Variants in DNAJC1 observed in about 807,000 individuals in gnomAD.
DNAJC1 encodes dnaJ homolog subfamily C member 1.
Under a neutral mutation model 76.6 loss-of-function variants are expected in DNAJC1, and 58 were observed. That is an observed-to-expected ratio of 0.76 (90% CI 0.61 to 0.94). The LOEUF (loss-of-function observed/expected upper bound fraction) is 0.94, where lower values mean the gene tolerates loss of function less well. DNAJC1 is among the 40% of genes least tolerant of loss of function. The pLI is 0.00. For missense variants in DNAJC1, 689 were observed against 677.3 expected, an observed-to-expected ratio of 1.02 and a Z score of -0.19; for synonymous variants, 258 against 267.9, an observed-to-expected ratio of 0.96 and a Z score of 0.36.
At chr10:21,848,490 G>A (rs1835696119) in intron 8 of DNAJC1, among the ~76,000 whole-genome samples, 1 of 151,882 alleles carries the variant, frequency 6.6e-6, no homozygotes, top group Admixed American at 6.6e-5. Flanking sequence ...GTGCTTTTGA[G>A]GTCTTACCCC....
chr10:21,974,792 ATAGG>A (rs1424084157), intron 1 of DNAJC1, among the ~76,000 whole-genome samples: 2 of 152,174 alleles, frequency 1.3e-5, no homozygotes, highest in Non-Finnish European at 1.5e-5. Context: ...ATATTCATTA[ATAGG>A]TAGATAACTG....
At chr10:21,838,068 C>T (rs1291942218) in intron 8 of DNAJC1, among the ~76,000 whole-genome samples, 1 of 151,812 alleles carries the variant, frequency 6.6e-6, no homozygotes, top group Non-Finnish European at 1.5e-5. Flanking sequence ...TGCCTGGCCG[C>T]CCCTTCTGGG....
At chr10:21,933,082 AG>A in intron 1 of DNAJC1, 1 of 152,372 alleles carries the variant, frequency 6.6e-6, no homozygotes, top group South Asian at 2.1e-4. Context: ...AAAATTAAAA[AG>A]TTCATCAAGT....
intron 8 of DNAJC1, among the ~76,000 whole-genome samples, chr10:21,819,923 C>CTT (rs1342306956): frequency 6.6e-6 from 1 of 152,228 alleles, no homozygotes; most frequent in Admixed American, 6.5e-5. Context: ...GAGCAAGACT[C>CTT]TGTCTCAAAT....
intron 1 of DNAJC1, among the ~76,000 whole-genome samples, chr10:21,998,694 C>T (rs986268997): frequency 3.3e-5 from 5 of 152,164 alleles, no homozygotes; most frequent in African/African-American, 1.2e-4. Flanking sequence ...ACTTCTGCAA[C>T]CCCTTTCTAG....
At chr10:21,998,365 G>A (rs1020807723) in intron 1 of DNAJC1, among the ~76,000 whole-genome samples, 1 of 147,006 alleles carries the variant, frequency 6.8e-6, no homozygotes, top group Admixed American at 6.8e-5. Flanking sequence ...ACTCCAGCCT[G>A]GGCGACAGAG....
intron 8 of DNAJC1, among the ~76,000 whole-genome samples, chr10:21,846,811 G>C (rs1186161517): frequency 6.6e-6 from 1 of 151,334 alleles, no homozygotes; most frequent in Non-Finnish European, 1.5e-5. Context: ...AATGAAACTG[G>C]TGTTGTCTCG....
At chr10:21,985,845 T>A (rs1838237391) in intron 1 of DNAJC1, among the ~76,000 whole-genome samples, 1 of 152,198 alleles carries the variant, frequency 6.6e-6, no homozygotes, top group African/African-American at 2.4e-5. Context: ...CATGTACAAG[T>A]CTTTGTGTGG....
intron 8 of DNAJC1, among the ~76,000 whole-genome samples, chr10:21,860,512 T>C (rs919574147): frequency 6.6e-6 from 1 of 151,886 alleles, no homozygotes; most frequent in Non-Finnish European, 1.5e-5. Context: ...CCAAAAATAG[T>C]GAAACCCCGT....
chr10:21,822,030 G>A (rs1310175160), intron 8 of DNAJC1, among the ~76,000 whole-genome samples: 1 of 152,136 alleles, frequency 6.6e-6, no homozygotes, highest in African/African-American at 2.4e-5. Context: ...CTGACTCTTA[G>A]TATAGTAACC....
At chr10:21,882,988 G>A (rs372088909) in intron 7 of DNAJC1, among the ~76,000 whole-genome samples, 12 of 152,092 alleles carry the variant, frequency 7.9e-5, no homozygotes, top group Middle Eastern at 3.4e-3. Flanking sequence ...AGTGGTTCAC[G>A]GCTCTAATCC....
chr10:21,813,192 CTCTCTCTCTCT>C (rs1835007767), intron 8 of DNAJC1, among the ~76,000 whole-genome samples: 1 of 64,376 alleles, frequency 1.6e-5, no homozygotes, highest in Non-Finnish European at 2.7e-5. Flanking sequence ...CTCTCTCTCT[CTCTCTCTCTCT>C]CTCTCTCTCT....
chr10:21,998,910 T>C (rs1284358664), intron 1 of DNAJC1, among the ~76,000 whole-genome samples: 1 of 152,196 alleles, frequency 6.6e-6, no homozygotes, highest in African/African-American at 2.4e-5. Context: ...TGTGCCTTAC[T>C]ATGAAGAAAA....
chr10:21,863,609 A>G (rs1340738302), intron 8 of DNAJC1, among the ~76,000 whole-genome samples: 1 of 152,186 alleles, frequency 6.6e-6, no homozygotes, highest in Non-Finnish European at 1.5e-5. Flanking sequence ...GAAAATTTGC[A>G]GACTAAATCC....
chr10:21,961,157 CAGTA>C (rs1837784582), intron 1 of DNAJC1, among the ~76,000 whole-genome samples: 1 of 152,172 alleles, frequency 6.6e-6, no homozygotes, highest in South Asian at 2.1e-4. Flanking sequence ...TTGTGAAAAA[CAGTA>C]AGATAGTTCC....
intron 1 of DNAJC1, among the ~76,000 whole-genome samples, chr10:21,968,245 C>T (rs1837922064): frequency 6.6e-6 from 1 of 152,244 alleles, no homozygotes. Context: ...AAGTACACTG[C>T]TATAAAGCCT....
intron 9 of DNAJC1, among the ~76,000 whole-genome samples, chr10:21,775,249 A>G (rs1007854162): frequency 2.0e-5 from 3 of 151,960 alleles, no homozygotes; most frequent in African/African-American, 7.3e-5. Flanking sequence ...GTGTGGTCCA[A>G]TGATAATATT....
intron 1 of DNAJC1, among the ~76,000 whole-genome samples, chr10:21,997,550 T>C (rs1446134589): frequency 2.0e-5 from 3 of 152,116 alleles, no homozygotes; most frequent in Non-Finnish European, 4.4e-5. Flanking sequence ...GCAATCACCC[T>C]CCAGTAAGGT....
At chr10:21,979,614 T>A (rs1838120074) in intron 1 of DNAJC1, among the ~76,000 whole-genome samples, 1 of 152,008 alleles carries the variant, frequency 6.6e-6, no homozygotes, top group South Asian at 2.1e-4. Context: ...TGGGAATACA[T>A]GTACTTGGAT....
Sources: gnomAD v4.1 joint callset for allele counts (sites outside exome capture counted in the v4.1 genomes callset) on GRCh38, gnomAD v4.1.1 for gene constraint, MANE v1.5 for transcripts, NCBI Gene and HGNC (gene_info 2026-07-23, HGNC 2026-07-21) for gene names.